CAMSAP1: variants seen among roughly 807,000 people sequenced by gnomAD.
CAMSAP1 encodes calmodulin-regulated spectrin-associated protein 1.
A neutral mutation model predicts 143.5 loss-of-function variants in CAMSAP1; 58 were observed. The ratio of observed to expected loss-of-function variants is 0.40; its 90% CI spans 0.33 to 0.50. The LOEUF (loss-of-function observed/expected upper bound fraction) is 0.50, where lower values mean the gene tolerates loss of function less well. CAMSAP1 is among the 20% of genes least tolerant of loss of function. The pLI is 0.45. For synonymous variants in CAMSAP1, 945 were observed against 859.3 expected (o/e 1.10, Z -1.74); for missense variants, 1,969 against 2,115.7 (o/e 0.93, Z 1.36).
In CAMSAP1 at chr9:135,827,480, G is replaced by A. The variant is rs747384753; in HGVS notation, c.1150C>T (p.Leu384=). The A allele has an allele frequency of 1.4e-5, 22 of 1,611,602 alleles. No homozygotes were observed. The highest frequency in any genetic ancestry group is 5.0e-5 in the Admixed American group (3 of 59,944). Residue 384 remains leucine (L), a synonymous_variant, in exon 8 of 17, where the codon CTG becomes TTG. Transcript: ENST00000389532. ...GCCGGCAGCTGCACGGGGGGCTGCA[G>A]CTCAGCCAGGGTCCCTGCAGCAGGG... The part of the protein sequence containing the change: ...GSPAAGTLAE[L]QPPVQLPAEG...
intron 1 of CAMSAP1, among the ~76,000 whole-genome samples, chr9:135,906,102 A>T (rs1336828040): frequency 6.6e-6 from 1 of 152,272 alleles, no homozygotes; most frequent in African/African-American, 2.4e-5. Context: ...CCTTATGACT[A>T]ACTCGAGTCT....
intron 5 of CAMSAP1, among the ~76,000 whole-genome samples, chr9:135,852,207 T>G (rs1029827034): frequency 1.3e-5 from 2 of 152,188 alleles, no homozygotes; most frequent in African/African-American, 4.8e-5. Context: ...ATTCTAGAAT[T>G]CTTTCTGGAT....
rs2130987439 is a variant in CAMSAP1, at chr9:135,883,044, G to A, written c.195C>T (p.Tyr65=). ...NIPEDLRDPF[Y]VDQYEQEHIK... is the part of the protein sequence containing the mutation. ...TGTGCTCCTGCTCATACTGGTCAAC[G>A]TAGAAAGGGTCTCTGAGGTCCTCAG... Residue 65 remains tyrosine (Y), a synonymous_variant, in exon 2 of 17, where the codon TAC becomes TAT. Coordinates refer to ENST00000389532, the MANE Select transcript of CAMSAP1 (RefSeq NM_015447.4). The A allele has an allele frequency of 1.9e-6, 3 of 1,551,680 alleles. No homozygotes were observed. The highest frequency in any genetic ancestry group is 1.7e-6 in the Non-Finnish European group (2 of 1,146,984).
At chr9:135,901,640 A>C (rs1478641479) in intron 1 of CAMSAP1, among the ~76,000 whole-genome samples, 1 of 152,030 alleles carries the variant, frequency 6.6e-6, no homozygotes, top group Non-Finnish European at 1.5e-5. Context: ...AGAACAGGCA[A>C]GTCTTTGGCA....
chr9:135,881,374 T>A (rs1837942846), intron 3 of CAMSAP1, among the ~76,000 whole-genome samples: 1 of 150,746 alleles, frequency 6.6e-6, no homozygotes, highest in Non-Finnish European at 1.5e-5. Flanking sequence ...AAAAAAAAAA[T>A]TTAAAGGCAC....
intron 1 of CAMSAP1, among the ~76,000 whole-genome samples, chr9:135,900,624 G>C (rs1838587307): frequency 6.6e-6 from 1 of 151,886 alleles, no homozygotes; most frequent in Non-Finnish European, 1.5e-5. Context: ...GAACCCAGGA[G>C]ACAGAGCTTG....
At chr9:135,891,029 CA>C (rs1382845100) in intron 1 of CAMSAP1, among the ~76,000 whole-genome samples, 7 of 152,164 alleles carry the variant, frequency 4.6e-5, no homozygotes, top group Admixed American at 3.9e-4. Context: ...AGAAGGAACC[CA>C]AAACAGGGGA....
At chr9:135,833,578 AT>A (rs1454354012) in intron 7 of CAMSAP1, among the ~76,000 whole-genome samples, 5 of 152,246 alleles carry the variant, frequency 3.3e-5, no homozygotes, top group Admixed American at 1.3e-4. Context: ...AGTACCTTCA[AT>A]AAATGTTGTT....
chr9:135,839,324 C>T (rs1836256251), intron 7 of CAMSAP1, among the ~76,000 whole-genome samples: 1 of 152,186 alleles, frequency 6.6e-6, no homozygotes, highest in South Asian at 2.1e-4. Context: ...TATTTCCTCC[C>T]AACAATGCCC....
intron 14 of CAMSAP1, among the ~76,000 whole-genome samples, chr9:135,816,572 C>G (rs138899815): frequency 1.3e-5 from 2 of 152,336 alleles, no homozygotes; most frequent in Non-Finnish European, 2.9e-5. Flanking sequence ...ACAAGGGAGG[C>G]AGACAGAGCT....
chr9:135,837,022 G>T lies in CAMSAP1; in HGVS notation c.1046-9438C>A, dbSNP rs375058472. ...CTTTCTACCTGTTCTAGAGACACAC[G>T]TCACCACACATGTTCTAGAGACACA... is the stretch of plus-strand genomic sequence containing the variant. On this transcript the variant is annotated intron_variant, in intron 7 of 16. Transcript: ENST00000389532. The T allele has an allele frequency of 1.6e-5, 13 of 834,996 alleles. No individual in the cohort carries two copies. The African/African-American group carries it at 2.5e-4, about 16-fold the overall frequency. 51.7% of individuals were successfully genotyped at this position (834,996 alleles called of 1,614,324 possible). A position where few individuals can be genotyped will look rare whatever the true frequency, so the allele number is the denominator to read the frequency against.
intron 5 of CAMSAP1, among the ~76,000 whole-genome samples, chr9:135,854,992 C>G (rs1186250999): frequency 1.3e-5 from 2 of 151,936 alleles, no homozygotes; most frequent in African/African-American, 4.8e-5. Context: ...TATCATTTAG[C>G]TCCCACTTTT....
At chr9:135,877,348 T>G (rs910158502) in intron 3 of CAMSAP1, among the ~76,000 whole-genome samples, 1 of 151,580 alleles carries the variant, frequency 6.6e-6, no homozygotes, top group Non-Finnish European at 1.5e-5. Context: ...GGGTAGAGGA[T>G]TAACTGCAAA....
intron 7 of CAMSAP1, among the ~76,000 whole-genome samples, chr9:135,840,446 C>T (rs547221738): frequency 3.9e-5 from 6 of 152,250 alleles, no homozygotes; most frequent in Admixed American, 2.0e-4. Flanking sequence ...TGACTCACGA[C>T]GGGGTCCGAT....
intron 5 of CAMSAP1, among the ~76,000 whole-genome samples, chr9:135,861,277 G>A (rs115327453): frequency 0.014 from 2,113 of 150,904 alleles, 34 homozygotes; most frequent in African/African-American, 0.045. Flanking sequence ...GACAGAGACC[G>A]TCTCCTGGTA....
chr9:135,906,609 G>A (rs1383458055), intron 1 of CAMSAP1, among the ~76,000 whole-genome samples: 1 of 152,248 alleles, frequency 6.6e-6, no homozygotes, highest in African/African-American at 2.4e-5. Flanking sequence ...CACAGGTCCA[G>A]CACTGGACGA....
chr9:135,866,263 G>T (rs1837375739), intron 4 of CAMSAP1, 193 bp downstream of exon 4: 3 of 547,856 alleles, frequency 5.5e-6, no homozygotes, highest in Non-Finnish European at 9.9e-6. Flanking sequence ...TCCCAGGAGA[G>T]GCGGGGCAGG....
rs571819143 is a variant in CAMSAP1, at chr9:135,823,073, G to A, written c.1588C>T (p.Leu530=). 1 of 1,614,002 alleles carries A rather than the reference G, an allele frequency of 6.2e-7. No individual in the cohort carries two copies. The highest frequency in any genetic ancestry group is 1.1e-5 in the South Asian group (1 of 91,080). ...TCATCCTCAATACTGACATTGCTCAGGAGGCTCTTCCCGTGGCTCTTCGTG... is the reference window on the plus strand; with the variant it reads ...TCATCCTCAATACTGACATTGCTCAAGAGGCTCTTCCCGTGGCTCTTCGTG... The part of the protein sequence containing the change: ...TATKSHGKSL[L]SNVSIEDEEE... The change falls in exon 11 of 17, where the codon CTG becomes TTG. Residue 530 remains leucine, a synonymous_variant. Transcript: ENST00000389532.
intron 1 of CAMSAP1, among the ~76,000 whole-genome samples, chr9:135,901,917 C>T (rs990203116): frequency 2.0e-5 from 3 of 152,208 alleles, no homozygotes; most frequent in African/African-American, 7.2e-5. Context: ...ACTCAGTACA[C>T]CCGAAGACAC....
Sources: gnomAD v4.1 joint callset for allele counts (sites outside exome capture counted in the v4.1 genomes callset) on GRCh38, gnomAD v4.1.1 for gene constraint, MANE v1.5 for transcripts, NCBI Gene and HGNC (gene_info 2026-07-23, HGNC 2026-07-21) for gene names.